SORCS3: variants seen among roughly 807,000 people sequenced by gnomAD.
SORCS3 encodes the protein VPS10 domain-containing receptor SorCS3.
In SORCS3, 57 loss-of-function variants were observed where a neutral mutation model predicts 146.3. The observed-to-expected ratio is 0.39, with a 90% CI of 0.31 to 0.49. The LOEUF is 0.49. SORCS3 is among the 20% of genes least tolerant of loss of function. The pLI is 0.92. For synonymous variants in SORCS3, 653 were observed against 618.5 expected, an observed-to-expected ratio of 1.06 and a Z score of -0.83; for missense variants, 1,341 against 1,575.5, an observed-to-expected ratio of 0.85 and a Z score of 2.52.
intron 25 of SORCS3, among the ~76,000 whole-genome samples, chr10:105,259,384 A>G (rs942724549): frequency 2.6e-5 from 4 of 152,186 alleles, no homozygotes; most frequent in Non-Finnish European, 4.4e-5. Context: ...GTATTAACAC[A>G]TTAAGACATT....
intron 5 of SORCS3, among the ~76,000 whole-genome samples, chr10:105,054,446 A>G (rs1332897023): frequency 1.3e-5 from 2 of 151,890 alleles, no homozygotes; most frequent in Non-Finnish European, 2.9e-5. Context: ...TTTTCCAACA[A>G]TATATTTTAG....
intron 7 of SORCS3, among the ~76,000 whole-genome samples, chr10:105,114,353 A>C (rs1167062827): frequency 6.6e-6 from 1 of 152,198 alleles, no homozygotes; most frequent in East Asian, 1.9e-4. Context: ...GGTAGGAAGA[A>C]AGCAGAAAAT....
chr10:104,786,481 G>A (rs1168517170), intron 1 of SORCS3, among the ~76,000 whole-genome samples: 1 of 151,476 alleles, frequency 6.6e-6, no homozygotes, highest in African/African-American at 2.4e-5. Flanking sequence ...CCGGGAGGTG[G>A]AGGTTGCAGT....
chr10:104,875,154 C>G (rs1483525286), intron 2 of SORCS3, among the ~76,000 whole-genome samples: 1 of 152,186 alleles, frequency 6.6e-6, no homozygotes, highest in African/African-American at 2.4e-5. Flanking sequence ...TCTACCTACT[C>G]ATTACTTTGC....
chr10:104,642,022 G>GGGGGGGGCGCCCC, intron 1 of SORCS3, 68 bp downstream of exon 1: 2 of 173,336 alleles, frequency 1.2e-5, no homozygotes, highest in Non-Finnish European at 1.1e-5. Context: ...GGGTGGGTGG[G>GGGGGGGGCGCCCC]AGCGAGGGAC....
At chr10:104,860,813 G>C (rs934901539) in intron 2 of SORCS3, among the ~76,000 whole-genome samples, 1 of 152,184 alleles carries the variant, frequency 6.6e-6, no homozygotes, top group Non-Finnish European at 1.5e-5. Context: ...AGGTGTTTGA[G>C]CTGTGATTTG....
intron 3 of SORCS3, among the ~76,000 whole-genome samples, chr10:104,927,475 A>G (rs548821082): frequency 7.9e-5 from 12 of 152,372 alleles, no homozygotes; most frequent in African/African-American, 2.6e-4. Context: ...TGAGAGAGTC[A>G]GGCTGGATAA....
chr10:105,150,286 T>C (rs1191170440), intron 9 of SORCS3, among the ~76,000 whole-genome samples: 1 of 152,166 alleles, frequency 6.6e-6, no homozygotes, highest in Non-Finnish European at 1.5e-5. Context: ...TTGATAATGC[T>C]GTACCCCAGA....
intron 10 of SORCS3, among the ~76,000 whole-genome samples, chr10:105,157,503 T>C (rs957920869): frequency 1.3e-5 from 2 of 152,214 alleles, no homozygotes; most frequent in African/African-American, 4.8e-5. Context: ...GGATCTACTA[T>C]GTGCTCCATC....
intron 7 of SORCS3, among the ~76,000 whole-genome samples, chr10:105,118,637 G>T (rs2055909916): frequency 6.6e-6 from 1 of 152,134 alleles, no homozygotes; most frequent in South Asian, 2.1e-4. Context: ...TGACCAAATT[G>T]CTGATAGTGA....
chr10:104,721,691 A>G (rs1275670897), intron 1 of SORCS3, among the ~76,000 whole-genome samples: 2 of 152,094 alleles, frequency 1.3e-5, no homozygotes, highest in Non-Finnish European at 2.9e-5. Flanking sequence ...GAGGTCCTTC[A>G]CGTCCCTTAT....
chr10:104,779,458 A>G (rs554468782), intron 1 of SORCS3, among the ~76,000 whole-genome samples: 1 of 152,346 alleles, frequency 6.6e-6, no homozygotes, highest in East Asian at 1.9e-4. Context: ...ATTTGCAGCA[A>G]GGAACAAATG....
intron 4 of SORCS3, among the ~76,000 whole-genome samples, chr10:105,000,433 T>C (rs1486431135): frequency 6.6e-6 from 1 of 152,044 alleles, no homozygotes; most frequent in East Asian, 1.9e-4. Flanking sequence ...GTGCCCCGGA[T>C]TGTAGAATAT....
chr10:104,959,776 G>T (rs576694642), intron 3 of SORCS3, among the ~76,000 whole-genome samples: 1 of 152,260 alleles, frequency 6.6e-6, no homozygotes, highest in Admixed American at 6.5e-5. Context: ...GTCTTGAGCT[G>T]GGGGTAAAAG....
intron 4 of SORCS3, among the ~76,000 whole-genome samples, chr10:105,030,494 C>T (rs2055258160): frequency 6.6e-6 from 1 of 152,090 alleles, no homozygotes; most frequent in Admixed American, 6.5e-5. Flanking sequence ...GGGAAACTGT[C>T]ATTTACATTG....
At chr10:104,857,725 A>G (rs1354977863) in intron 2 of SORCS3, among the ~76,000 whole-genome samples, 7 of 139,912 alleles carry the variant, frequency 5.0e-5, no homozygotes, top group African/African-American at 1.7e-4. Context: ...TGAGTCTTAC[A>G]TGGTGAGGGG....
chr10:105,018,276 ACT>A (rs1208697191), intron 4 of SORCS3, among the ~76,000 whole-genome samples: 1 of 152,096 alleles, frequency 6.6e-6, no homozygotes, highest in African/African-American at 2.4e-5. Context: ...TCTCTCAGTA[ACT>A]CTGGTGGAAA....
intron 1 of SORCS3, among the ~76,000 whole-genome samples, chr10:104,645,071 G>A (rs1399036134): frequency 6.6e-6 from 1 of 152,146 alleles, no homozygotes; most frequent in Non-Finnish European, 1.5e-5. Context: ...GAGAAGGAGT[G>A]CAACTGGCTT....
intron 4 of SORCS3, among the ~76,000 whole-genome samples, chr10:105,012,658 C>T (rs1000676247): frequency 6.6e-6 from 1 of 152,144 alleles, no homozygotes; most frequent in African/African-American, 2.4e-5. Flanking sequence ...TCCCTCCACA[C>T]ACATATCTAT....
Sources: allele counts gnomAD v4.1 joint callset (sites outside exome capture counted in the v4.1 genomes callset), GRCh38; gene constraint gnomAD v4.1.1; transcripts MANE v1.5; gene names NCBI Gene and HGNC (gene_info 2026-07-23, HGNC 2026-07-21).